Variants in GSK3A observed in about 807,000 individuals in gnomAD.
GSK3A encodes the protein glycogen synthase kinase-3 alpha.
A neutral mutation model predicts 56.6 loss-of-function variants in GSK3A; 14 were observed. The ratio of observed to expected loss-of-function variants is 0.25; its 90% confidence interval spans 0.16 to 0.39. GSK3A has a LOEUF of 0.39. Among genes scored for constraint, GSK3A ranks in the 10% least tolerant of loss-of-function variants. The pLI is 1.00. For missense variants in GSK3A, 450 were observed against 656.0 expected, an observed-to-expected ratio of 0.69 and a Z score of 3.43; for synonymous variants, 301 against 285.0, an observed-to-expected ratio of 1.06 and a Z score of -0.56.
At chr19:42,238,828 G>A (rs1196443130) in intron 2 of GSK3A, among the ~76,000 whole-genome samples, 1 of 151,936 alleles carries the variant, frequency 6.6e-6, no homozygotes, top group Admixed American at 6.6e-5. Flanking sequence ...AATTAGCCAG[G>A]CATAGTGGCC....
At chr19:42,233,525 G>A (rs1213555693) in intron 6 of GSK3A, 142 bp from the exon 7 acceptor site, 4 of 630,948 alleles carry the variant, frequency 6.3e-6, no homozygotes, top group Admixed American at 5.6e-5. Flanking sequence ...GTCACATGCA[G>A]CTTAGAAACA....
In GSK3A at chr19:42,236,908, G is replaced by A. The variant is rs2036260885; in HGVS notation, c.505C>T (p.His169Tyr). The A allele has an allele frequency of 6.2e-7, 1 of 1,612,958 alleles. No homozygotes were observed. The highest frequency in any genetic ancestry group is 1.1e-5 in the South Asian group (1 of 91,056). The change falls in exon 3 of 11, where the codon CAC becomes TAC. Residue 169 changes from histidine (H) to tyrosine (Y), a missense_variant. His to Tyr is a moderately conservative substitution (Grantham distance 83, BLOSUM62 2). Coordinates refer to ENST00000222330, the MANE Select transcript of GSK3A (RefSeq NM_019884.3). Reference protein sequence around the residue: ...RELQIMRKLDHCNIVRLRYFF... With the variant: ...RELQIMRKLDYCNIVRLRYFF... ...TATCTCAGCCTCACAATATTGCAGT[G>A]GTCCAGCTTACGCATGATCTGCAGC...
In GSK3A at chr19:42,234,231, T is replaced by C; in HGVS notation, c.904+122A>G. ...TTCAACAGCATCAGCCTCCTAAGTTTGTGAGGACTGGATACAAGAACAGAA... is the reference window on the plus strand; with the variant it reads ...TTCAACAGCATCAGCCTCCTAAGTTCGTGAGGACTGGATACAAGAACAGAA... On this transcript the variant is annotated intron_variant, in intron 6 of 10. Coordinates refer to ENST00000222330, the MANE Select transcript of GSK3A (RefSeq NM_019884.3). This position sits in a 1 kb window ranked among gnomAD's most constrained non-coding sequence, Gnocchi z 5.7. The C allele has an allele frequency of 1.3e-6, 1 of 745,962 alleles. No homozygotes were observed. The highest frequency in any genetic ancestry group is 2.4e-6 in the Non-Finnish European group (1 of 420,148). 46.2% of individuals were successfully genotyped at this position (745,962 alleles called of 1,614,324 possible).
intron 2 of GSK3A, among the ~76,000 whole-genome samples, chr19:42,238,339 C>T (rs993409863): frequency 2.7e-5 from 4 of 149,402 alleles, no homozygotes; most frequent in African/African-American, 5.0e-5. Flanking sequence ...GCCGACATCA[C>T]ACCACTGCAC....
At chr19:42,238,298 G>A (rs892477786) in intron 2 of GSK3A, among the ~76,000 whole-genome samples, 4 of 151,002 alleles carry the variant, frequency 2.6e-5, no homozygotes, top group Admixed American at 6.6e-5. Flanking sequence ...AGGTTGCAGC[G>A]CTTGAACCCA....
In GSK3A at chr19:42,234,497, G is replaced by A. The variant is rs748515703; in HGVS notation, c.798-38C>T. 8 of 1,613,336 alleles carry A rather than the reference G, an allele frequency of 5.0e-6. No individual in the cohort carries two copies. The highest frequency in any genetic ancestry group is 6.8e-6 in the Non-Finnish European group (8 of 1,179,288). On this transcript the variant is annotated intron_variant, in intron 5 of 10. Transcript: ENST00000222330. This position sits in a 1 kb window ranked among gnomAD's most constrained non-coding sequence, Gnocchi z 5.7. ...ATGGGCAGGGGTACACGTGAGGCAA[G>A]GGTTGGGGTCCCCCCTGCCTCTTCA...
Position 42,234,821 on chromosome 19 carries a change from G to A in GSK3A, c.667-143C>T, listed in dbSNP as rs1239225705. The A allele has an allele frequency of 1.1e-5, 9 of 846,306 alleles. No individual in the cohort carries two copies. In the East Asian group the frequency reaches 2.2e-4, roughly 21 times the overall value. 52.4% of individuals were successfully genotyped at this position (846,306 alleles called of 1,614,324 possible). A position where few individuals can be genotyped will look rare whatever the true frequency, so the allele number is the denominator to read the frequency against. ...TTTGGGGAAACCCATTTGAAACCTT[G>A]GTTCTCTTAATGTGCACCACAATCA... On this transcript the variant is annotated intron_variant, in intron 4 of 10. Transcript: ENST00000222330. The surrounding 1 kb of genome is among the most constrained non-coding windows in gnomAD (Gnocchi z 5.7).
intron 10 of GSK3A, among the ~76,000 whole-genome samples, chr19:42,231,855 A>G (rs149878288): frequency 1.3e-5 from 2 of 152,182 alleles, no homozygotes; most frequent in East Asian, 3.9e-4. Context: ...TGGCTTTCCC[A>G]TTGGCATTAA....
Position 42,234,769 on chromosome 19 carries a change from G to T in GSK3A, c.667-91C>A. On this transcript the variant is annotated intron_variant, in intron 4 of 10. Coordinates refer to ENST00000222330, the MANE Select transcript of GSK3A (RefSeq NM_019884.3). This position sits in a 1 kb window ranked among gnomAD's most constrained non-coding sequence, Gnocchi z 5.7. ...AGCTTGGCCTGAAGAGCCCTTCCAG[G>T]CCCACTCTCCCTGCTGCCCCCACAG... 1 of 1,325,892 alleles carries T rather than the reference G, an allele frequency of 7.5e-7. No homozygotes were observed. The highest frequency in any genetic ancestry group is 1.0e-6 in the Non-Finnish European group (1 of 993,876). 82.1% of individuals were successfully genotyped at this position (1,325,892 alleles called of 1,614,324 possible).
In GSK3A at chr19:42,234,171, G is replaced by T. The variant is rs2036242275; in HGVS notation, c.904+182C>A. On this transcript the variant is annotated intron_variant, in intron 6 of 10. Coordinates refer to ENST00000222330, the MANE Select transcript of GSK3A (RefSeq NM_019884.3). The surrounding 1 kb of genome is among the most constrained non-coding windows in gnomAD (Gnocchi z 5.7). ...CTAGTGGTGCCAGTGCGGGCAGGCG[G>T]CCTCACAGCTCTAAGCTCATCTGTA... 6.6e-6 allele frequency among the ~76,000 whole-genome samples: 1 copy of T among 152,158 alleles called. No homozygotes were observed. The highest frequency in any genetic ancestry group is 6.5e-5 in the Admixed American group (1 of 15,278).
At chr19:42,232,437 C>T (rs1599809412) in intron 9 of GSK3A, 59 bp downstream of exon 9, 1 of 1,513,722 alleles carries the variant, frequency 6.6e-7, no homozygotes, top group Non-Finnish European at 9.1e-7. Flanking sequence ...AAGCTCCTCA[C>T]AATCTTTGGC....
chr19:42,240,171 C>T, intron 1 of GSK3A, 29 bp from the exon 2 acceptor site: 1 of 1,596,990 alleles, frequency 6.3e-7, no homozygotes, highest in African/African-American at 1.3e-5. Context: ...ACACGATCCA[C>T]TGACCCATCC....
Position 42,242,438 on chromosome 19 carries a change from C to A in GSK3A, c.28G>T (p.Gly10Cys). 2 of 1,287,288 alleles carry A rather than the reference C, an allele frequency of 1.6e-6. No homozygotes were observed. The highest frequency in any genetic ancestry group is 2.2e-5 in the South Asian group (1 of 45,232). 79.7% of individuals were successfully genotyped at this position (1,287,288 alleles called of 1,614,324 possible). A position where few individuals can be genotyped will look rare whatever the true frequency, so the allele number is the denominator to read the frequency against. ...CGCGCCCTGCCCGAGCCCCCAGGGC[C>A]GCCTCCCGAAGGCCCGCCGCCGCTC... MSGGGPSGG[G>C]PGGSGRARTS... is the part of the protein sequence containing the mutation. Residue 10 changes from glycine (G) to cysteine (C), a missense_variant, in exon 1 of 11, where the codon GGC becomes TGC. This residue lies in a region of GSK3A where 193 missense variants were observed against 200.5 expected (regional missense o/e 0.96). Coordinates refer to ENST00000222330, the MANE Select transcript of GSK3A (RefSeq NM_019884.3).
chr19:42,238,606 CAAAAAAAAAAAAA>C (rs769150560), intron 2 of GSK3A, among the ~76,000 whole-genome samples: 25 of 33,154 alleles, frequency 7.5e-4, no homozygotes, highest in Non-Finnish European at 1.1e-3. Flanking sequence ...GACTCCGTCT[CAAAAAAAAAAAAA>C]AAAAAAAAAA....
intron 8 of GSK3A, 25 bp from the exon 9 acceptor site, chr19:42,232,707 G>A: frequency 1.3e-6 from 2 of 1,531,238 alleles, no homozygotes; most frequent in Non-Finnish European, 8.8e-7. Flanking sequence ...CAGGGCTCAT[G>A]AGGGTGAGAT....
rs764778729 is a variant in GSK3A, at chr19:42,240,121, G to A, written c.305C>T (p.Thr102Ile). 4 of 1,614,036 alleles carry A rather than the reference G, an allele frequency of 2.5e-6. No homozygotes were observed. The highest frequency in any genetic ancestry group is 1.1e-5 in the South Asian group (1 of 91,094). Reference protein sequence around the residue: ...KLGRDSGKVTTVVATLGQGPE... With the variant: ...KLGRDSGKVTIVVATLGQGPE... ...GCCTTGGCCTAGAGTGGCTACGACT[G>A]TGGTCACCTTCCCGCTGTCACCTGG... Residue 102 changes from threonine to isoleucine, a missense_variant, in exon 2 of 11, where the codon ACA becomes ATA. Thr to Ile is a moderately conservative substitution (Grantham distance 89, BLOSUM62 -1). Coordinates refer to ENST00000222330, the MANE Select transcript of GSK3A (RefSeq NM_019884.3).
Position 42,242,357 on chromosome 19 carries a change from C to T in GSK3A, c.109G>A (p.Gly37Arg), listed in dbSNP as rs999712211. 5 of 1,406,990 alleles carry T rather than the reference C, an allele frequency of 3.6e-6. No individual in the cohort carries two copies. The highest frequency in any genetic ancestry group is 1.5e-5 in the African/African-American group (1 of 66,416). 87.2% of individuals were successfully genotyped at this position (1,406,990 alleles called of 1,614,324 possible). ...CCGCCTGGGCCGGAGGCCGAGCCTC[C>T]GGGGCCGCCGCCGCCTCCTCCGCCT... is the stretch of plus-strand genomic sequence containing the variant. ...GGGGGGGGGP[G>R]GSASGPGGTG... The change falls in exon 1 of 11, where the codon GGA (glycine) becomes AGA (arginine). Residue 37 changes from glycine (G) to arginine (R), a missense_variant. Coordinates refer to ENST00000222330, the MANE Select transcript of GSK3A (RefSeq NM_019884.3).
At chr19:42,239,549 T>G (rs753982289) in intron 2 of GSK3A, among the ~76,000 whole-genome samples, 1 of 151,960 alleles carries the variant, frequency 6.6e-6, no homozygotes, top group Non-Finnish European at 1.5e-5. Flanking sequence ...TGGGAAGAAG[T>G]GTAACCAAAT....
At position 42,234,988 on chromosome 19, in the gene GSK3A, G is replaced by A. The variant is rs1302840790; in HGVS notation, c.667-310C>T. 2.0e-5 allele frequency among the ~76,000 whole-genome samples: 3 copies of A among 152,160 alleles called. No homozygotes were observed. The highest frequency in any genetic ancestry group is 4.8e-5 in the African/African-American group (2 of 41,426). ...CTAAAAATACAAAAATTAGCCGGGC[G>A]TGGTGGTGCACACCTGTAATCCCAG... On this transcript the variant is annotated intron_variant, in intron 4 of 10. Transcript: ENST00000222330. This position sits in a 1 kb window ranked among gnomAD's most constrained non-coding sequence, Gnocchi z 5.7.
Sources: allele counts gnomAD v4.1 joint callset (sites outside exome capture counted in the v4.1 genomes callset), GRCh38; gene constraint gnomAD v4.1.1; regional missense constraint gnomAD v4.1.1; non-coding constraint Gnocchi (gnomAD v3.1); transcripts MANE v1.5; gene names NCBI Gene and HGNC (gene_info 2026-07-23, HGNC 2026-07-21).